CEP290: variants seen among roughly 807,000 people sequenced by gnomAD.
CEP290 encodes centrosomal protein 290.
A neutral mutation model predicts 344.9 loss-of-function variants in CEP290; 317 were observed. The observed-to-expected ratio is 0.92, with a 90% CI of 0.84 to 1.01. The LOEUF (loss-of-function observed/expected upper bound fraction) is 1.01, where lower values mean the gene tolerates loss of function less well. Among genes scored for constraint, CEP290 ranks in the 50% least tolerant of loss-of-function variants. CEP290 has a pLI of 0.00. For missense variants in CEP290, 2,754 were observed against 2,761.4 expected, an observed-to-expected ratio of 1.00 and a Z score of 0.06; for synonymous variants, 932 against 895.8, an observed-to-expected ratio of 1.04 and a Z score of -0.72.
At chr12:88,075,878 C>A (rs769920783) in intron 41 of CEP290, among the ~76,000 whole-genome samples, 5 of 152,166 alleles carry the variant, frequency 3.3e-5, no homozygotes, top group Non-Finnish European at 4.4e-5. Flanking sequence ...TTACAAAAGA[C>A]TTCCGCATAT....
At chr12:88,085,998 C>T in intron 34 of CEP290, 41 bp downstream of exon 34, 1 of 1,557,700 alleles carries the variant, frequency 6.4e-7, no homozygotes, top group Non-Finnish European at 8.7e-7. Flanking sequence ...CCCAAACATA[C>T]CAAATAATAC....
Position 88,059,909 on chromosome 12 carries a change from C to T in CEP290, c.6634G>A (p.Glu2212Lys), listed in dbSNP as rs2034330893. 1.3e-6 allele frequency: 2 copies of T among 1,589,408 alleles called. No homozygotes were observed. Among genetic ancestry groups the T allele is most frequent in the Non-Finnish European group, 1.7e-6 (2 of 1,169,190 alleles). Residue 2212 changes from glutamate (E) to lysine (K), a missense_variant, in exon 48 of 54, where the codon GAA (glutamate) becomes AAA (lysine). Physicochemically the swap from Glu to Lys is moderately conservative, Grantham distance 56 (BLOSUM62 1). Transcript: ENST00000552810. ...IIAENERLRK[E>K]LKKETDAAEK... ...CATAAAAGTCATACTTTTTTAAGTT[C>T]TTTACGAAGCCTTTCATTTTCAGCA...
At chr12:88,131,090 T>C (rs530376045) in intron 7 of CEP290, 75 bp downstream of exon 7, 9 of 1,176,556 alleles carry the variant, frequency 7.6e-6, no homozygotes, top group Middle Eastern at 2.1e-4. Context: ...GGTTAAAATA[T>C]AAATTTATGT....
At chr12:88,072,956 G>A (rs1015819898) in intron 41 of CEP290, among the ~76,000 whole-genome samples, 3 of 151,992 alleles carry the variant, frequency 2.0e-5, no homozygotes, top group Non-Finnish European at 4.4e-5. Context: ...AAAAAGAAAC[G>A]GAAGGGAATT....
At position 88,106,737 on chromosome 12, in the gene CEP290, TC is replaced by T; in HGVS notation, c.2754del (p.Asn919MetfsTer35). ...TCAGCCTCCATTGACAACAATTCAT[TC>T]TTTTGCTTCTCATTTTCTTTTCTAA... ...RQLRKENEKQ[K>X]NELLSMEAEV... On this transcript the variant is annotated frameshift_variant, in exon 25 of 54. Coordinates refer to ENST00000552810, the MANE Select transcript of CEP290 (RefSeq NM_025114.4). LOFTEE classifies it high-confidence loss of function. 1 of 1,611,858 alleles carries T rather than the reference TC, an allele frequency of 6.2e-7. No homozygotes were observed. Among genetic ancestry groups the T allele is most frequent in the South Asian group, 1.1e-5 (1 of 90,790 alleles).
At chr12:88,084,552 G>A (rs756402306) in intron 35 of CEP290, 34 bp downstream of exon 35, 8 of 1,554,626 alleles carry the variant, frequency 5.1e-6, no homozygotes, top group Non-Finnish European at 7.0e-6. Flanking sequence ...AAAAACTAAT[G>A]GATAACAGCA....
rs976372559 is a variant in CEP290, at chr12:88,092,380, C to T, written c.3461+301G>A. On this transcript the variant is annotated intron_variant, in intron 29 of 53. Transcript: ENST00000552810. ...TTAAATACAATAAACAACCATTCCT[C>T]CTCCATCACCCCTTCCCCAAAAAAT... 7.3e-4 allele frequency among the ~76,000 whole-genome samples: 111 copies of T among 152,186 alleles called. 1 individual carries two copies. Among genetic ancestry groups the T allele is most frequent in the African/African-American group, 2.6e-3 (106 of 41,542 alleles).
At position 88,121,212 on chromosome 12, in the gene CEP290, C is replaced by A. The variant is rs1167286467; in HGVS notation, c.1190-46G>T. 8 of 1,442,734 alleles carry A rather than the reference C, an allele frequency of 5.5e-6. No homozygotes were observed. The Admixed American group carries it at 1.6e-4, about 28-fold the overall frequency. 89.4% of individuals were successfully genotyped at this position (1,442,734 alleles called of 1,614,324 possible). ...TCATGAATTGAATTGACTACTTATTCCTTCAAATCAGTGATCCCAACATGG... is the reference window on the plus strand; with the variant it reads ...TCATGAATTGAATTGACTACTTATTACTTCAAATCAGTGATCCCAACATGG... On this transcript the variant is annotated intron_variant, in intron 13 of 53. Coordinates refer to ENST00000552810, the MANE Select transcript of CEP290 (RefSeq NM_025114.4).
intron 14 of CEP290, 78 bp downstream of exon 14, chr12:88,120,919 G>T: frequency 1.7e-6 from 2 of 1,149,668 alleles, no homozygotes; most frequent in Non-Finnish European, 2.5e-6. Flanking sequence ...TAAATGGTAT[G>T]CAGTAAATAG....
intron 37 of CEP290, among the ~76,000 whole-genome samples, chr12:88,082,534 A>G (rs992259234): frequency 1.3e-5 from 2 of 152,084 alleles, no homozygotes; most frequent in African/African-American, 4.8e-5. Flanking sequence ...CTCTACAAAA[A>G]TACAAAAAAA....
At position 88,139,153 on chromosome 12, in the gene CEP290, C is replaced by A. The variant is rs386834153; in HGVS notation, c.289G>T (p.Glu97Ter). 8 of 1,188,814 alleles carry A rather than the reference C, an allele frequency of 6.7e-6. No homozygotes were observed. The highest frequency in any genetic ancestry group is 8.1e-6 in the Non-Finnish European group (7 of 861,692). The allele number at this position is 1,188,814 out of a possible 1,614,324, so 73.6% of individuals were successfully genotyped here. ...LKTKVMKLEN[E>*]LEMAQQSAGG... ...AATACAAAAAGACATACCTCCAGTTCATTTTCCAGTTTCATTACTTTAGTT... is the reference window on the plus strand; with the variant it reads ...AATACAAAAAGACATACCTCCAGTTAATTTTCCAGTTTCATTACTTTAGTT... The change falls in exon 5 of 54, where the codon GAA (glutamate) becomes TAA (stop). Residue 97 changes from glutamate (E) to a stop codon, truncating the protein, a stop_gained. Coordinates refer to ENST00000552810, the MANE Select transcript of CEP290 (RefSeq NM_025114.4). LOFTEE classifies it high-confidence loss of function.
chr12:88,053,710 T>G lies in CEP290; in HGVS notation c.7071A>C (p.Glu2357Asp), dbSNP rs774974014. Residue 2357 changes from glutamate to aspartate, a missense_variant, in exon 52 of 54, where the codon GAA (glutamate) becomes GAC (aspartate). Glu to Asp is a conservative substitution (Grantham distance 45). Transcript: ENST00000552810. ...TGTTAGCTTCTATCTGATGGATTAATTCTGCTTTCTCTTTATCCAGCTGAT... is the reference window on the plus strand; with the variant it reads ...TGTTAGCTTCTATCTGATGGATTAAGTCTGCTTTCTCTTTATCCAGCTGAT... ...ANHQLDKEKA[E>D]LIHQIEANKD... 19 of 1,551,734 alleles carry G rather than the reference T, an allele frequency of 1.2e-5. No individual in the cohort carries two copies. In the East Asian group the frequency reaches 3.5e-4, roughly 29 times the overall value.
intron 11 of CEP290, 81 bp from the exon 12 acceptor site, chr12:88,126,519 G>A (rs576815153): frequency 2.5e-4 from 233 of 942,730 alleles, no homozygotes; most frequent in Middle Eastern, 2.0e-3. Flanking sequence ...AATAAACACC[G>A]TTAGTAGATT....
chr12:88,116,915 A>G (rs975403672), intron 18 of CEP290, 118 bp downstream of exon 18: 7 of 511,904 alleles, frequency 1.4e-5, no homozygotes, highest in African/African-American at 2.1e-5. Context: ...CGGAGCTTGC[A>G]GTGAGCCGAG....
chr12:88,112,144 G>A (rs1310343653), intron 20 of CEP290, among the ~76,000 whole-genome samples: 3 of 152,064 alleles, frequency 2.0e-5, no homozygotes, highest in Non-Finnish European at 4.4e-5. Flanking sequence ...GATGACCAGG[G>A]TTCAAATTTT....
intron 26 of CEP290, among the ~76,000 whole-genome samples, chr12:88,097,200 CTG>C (rs556312856): frequency 7.8e-4 from 118 of 152,154 alleles, no homozygotes; most frequent in Non-Finnish European, 1.3e-3. Flanking sequence ...CATATACATA[CTG>C]ATATGGTTTG....
At chr12:88,089,597 CAT>C (rs2036863261) in intron 30 of CEP290, 110 bp from the exon 31 acceptor site, 2 of 670,668 alleles carry the variant, frequency 3.0e-6, no homozygotes, top group South Asian at 4.0e-5. Context: ...CACAGTGGCA[CAT>C]GAGATCTACA....
At chr12:88,087,986 T>A in intron 31 of CEP290, 42 bp from the exon 32 acceptor site, 1 of 767,368 alleles carries the variant, frequency 1.3e-6, no homozygotes, top group Non-Finnish European at 1.8e-6. Flanking sequence ...AATGCTATAT[T>A]AACAAATAAC....
In CEP290 at chr12:88,080,164, T is replaced by G. The variant is rs369678673; in HGVS notation, c.5226+18A>C. The G allele has an allele frequency of 3.3e-5, 51 of 1,528,234 alleles. No individual in the cohort carries two copies. Among genetic ancestry groups the G allele is most frequent in the Non-Finnish European group, 4.2e-5 (47 of 1,124,064 alleles). The allele number at this position is 1,528,234 out of a possible 1,614,324, so 94.7% of individuals were successfully genotyped here. Reference sequence around the variant, plus strand: ...ACATATTTTTCCTAAATGTTGATAATTTTCTGTTGTTACTTACTTTCTGTT... The same window carrying G: ...ACATATTTTTCCTAAATGTTGATAAGTTTCTGTTGTTACTTACTTTCTGTT... On this transcript the variant is annotated intron_variant, in intron 38 of 53. Coordinates refer to ENST00000552810, the MANE Select transcript of CEP290 (RefSeq NM_025114.4).
Sources: allele counts gnomAD v4.1 joint callset (sites outside exome capture counted in the v4.1 genomes callset), GRCh38; gene constraint gnomAD v4.1.1; transcripts MANE v1.5; gene names NCBI Gene and HGNC (gene_info 2026-07-23, HGNC 2026-07-21).